The following PSD3 variants were observed in gnomAD, a reference collection of about 807,000 sequenced individuals.
PSD3 encodes PH and SEC7 domain-containing protein 3.
A neutral mutation model predicts 105.5 loss-of-function variants in PSD3; 49 were observed. The observed-to-expected ratio is 0.46, with a 90% CI of 0.37 to 0.59. PSD3 has a LOEUF of 0.59. Among genes scored for constraint, PSD3 ranks in the 20% least tolerant of loss-of-function variants. The probability of loss-of-function intolerance (pLI) is 0.00; values close to 1 mark genes in which losing one functional copy is unlikely to be tolerated. For missense variants in PSD3, 1,561 were observed against 1,263.8 expected (o/e 1.24, Z -3.57); for synonymous variants, 557 against 457.8 (o/e 1.22, Z -2.77).
rs546913899 is a variant in PSD3 at position 18,791,437 on chromosome 8, C to G, written c.2082+7858G>C. ...AGAAATAAGACTGCATGCCTACAAC[C>G]ATCTGATCTTCAGCAAACCTGACAA... On this transcript the variant is annotated intron_variant, in intron 8 of 15. Coordinates refer to ENST00000327040, the MANE Select transcript of PSD3 (RefSeq NM_015310.4). Among the ~76,000 whole-genome samples, 5 of 152,198 alleles carry G rather than the reference C, an allele frequency of 3.3e-5. No homozygotes were observed. The South Asian group carries it at 1.0e-3, about 32-fold the overall frequency.
At chr8:18,716,473 T>C (rs1044957721) in intron 9 of PSD3, among the ~76,000 whole-genome samples, 3 of 152,056 alleles carry the variant, frequency 2.0e-5, no homozygotes, top group African/African-American at 7.2e-5. Flanking sequence ...AACAAAAGGC[T>C]GAGAGTGGGA....
At chr8:18,596,936 A>T (rs1804146519) in intron 12 of PSD3, among the ~76,000 whole-genome samples, 1 of 152,306 alleles carries the variant, frequency 6.6e-6, no homozygotes, top group Middle Eastern at 3.4e-3. Flanking sequence ...GTTCCAAAAA[A>T]TTGAAGAGGA....
intron 15 of PSD3, among the ~76,000 whole-genome samples, chr8:18,553,254 G>C (rs893803151): frequency 6.6e-6 from 1 of 152,192 alleles, no homozygotes; most frequent in African/African-American, 2.4e-5. Flanking sequence ...CATAAGAGGA[G>C]GTGAGAGCAC....
intron 15 of PSD3, among the ~76,000 whole-genome samples, chr8:18,545,271 A>G (rs1260066709): frequency 6.6e-6 from 1 of 152,216 alleles, no homozygotes; most frequent in Non-Finnish European, 1.5e-5. Context: ...GGAAAACTCA[A>G]GAAATAAATT....
intron 1 of PSD3, among the ~76,000 whole-genome samples, chr8:18,996,622 C>G (rs1160353741): frequency 6.6e-6 from 1 of 151,900 alleles, no homozygotes; most frequent in Middle Eastern, 3.2e-3. Context: ...TTTTTTTCCT[C>G]TTTACTGTCT....
chr8:18,845,285 G>A (rs551637477), intron 4 of PSD3, among the ~76,000 whole-genome samples: 68 of 152,274 alleles, frequency 4.5e-4, no homozygotes, highest in African/African-American at 1.5e-3. Flanking sequence ...CGAGAGGAAC[G>A]GCTGTCATCT....
At chr8:18,993,085 C>G (rs775866568) in intron 1 of PSD3, among the ~76,000 whole-genome samples, 1 of 152,078 alleles carries the variant, frequency 6.6e-6, no homozygotes, top group Non-Finnish European at 1.5e-5. Context: ...AGTGACATAG[C>G]CTCTGTCCCA....
chr8:18,732,016 T>C (rs1241677590), intron 9 of PSD3, among the ~76,000 whole-genome samples: 3 of 152,152 alleles, frequency 2.0e-5, no homozygotes, highest in Non-Finnish European at 4.4e-5. Flanking sequence ...TGTTTTTCTT[T>C]TGAGAGAGAC....
At chr8:18,793,680 A>T (rs1809962700) in intron 8 of PSD3, among the ~76,000 whole-genome samples, 1 of 152,208 alleles carries the variant, frequency 6.6e-6, no homozygotes, top group Non-Finnish European at 1.5e-5. Flanking sequence ...TGCCAACGAT[A>T]GCTTTCATGG....
At chr8:19,002,706 C>A (rs1826468421) in intron 1 of PSD3, among the ~76,000 whole-genome samples, 1 of 152,068 alleles carries the variant, frequency 6.6e-6, no homozygotes, top group Non-Finnish European at 1.5e-5. Context: ...AGTTGTTATA[C>A]TACATGAATA....
At chr8:18,980,157 T>C (rs1452559359) in intron 1 of PSD3, among the ~76,000 whole-genome samples, 3 of 152,192 alleles carry the variant, frequency 2.0e-5, no homozygotes, top group Non-Finnish European at 4.4e-5. Context: ...CCAAACACTA[T>C]GGAAGGCACG....
chr8:18,836,846 A>AC (rs1267165743), intron 4 of PSD3, among the ~76,000 whole-genome samples: 41 of 151,522 alleles, frequency 2.7e-4, no homozygotes, highest in African/African-American at 8.7e-4. Flanking sequence ...TCCTCCCCTG[A>AC]CCCGCCCAAT....
At chr8:18,799,261 GT>G (rs1241085017) in intron 8 of PSD3, 33 bp downstream of exon 8, 4 of 1,542,858 alleles carry the variant, frequency 2.6e-6, no homozygotes, top group Non-Finnish European at 2.7e-6. Context: ...AGCCCGACAT[GT>G]TTTGGATCTA....
chr8:18,555,260 C>T (rs150281514), intron 15 of PSD3, among the ~76,000 whole-genome samples: 53 of 152,166 alleles, frequency 3.5e-4, no homozygotes, highest in African/African-American at 1.3e-3. Context: ...TGAGACGCCA[C>T]AGACACTGAT....
intron 4 of PSD3, among the ~76,000 whole-genome samples, chr8:18,810,249 G>A (rs1051588430): frequency 6.6e-6 from 1 of 152,146 alleles, no homozygotes; most frequent in African/African-American, 2.4e-5. Context: ...ACAAGGGGCG[G>A]CTGAAGGTAC....
At chr8:18,672,714 C>T (rs911542981) in intron 9 of PSD3, among the ~76,000 whole-genome samples, 1 of 152,152 alleles carries the variant, frequency 6.6e-6, no homozygotes, top group African/African-American at 2.4e-5. Context: ...CAAGAAAGGA[C>T]CAGCCTTTCA....
intron 14 of PSD3, among the ~76,000 whole-genome samples, chr8:18,566,126 C>T (rs1161307376): frequency 6.6e-6 from 1 of 152,156 alleles, no homozygotes; most frequent in South Asian, 2.1e-4. Flanking sequence ...TCAGGTGCTA[C>T]TCCAAATACA....
chr8:19,050,776 T>C (rs2129477139), intron 1 of PSD3, among the ~76,000 whole-genome samples: 1 of 152,194 alleles, frequency 6.6e-6, no homozygotes, highest in South Asian at 2.1e-4. Flanking sequence ...GCATGGCACA[T>C]GTATACATAT....
Position 18,535,691 on chromosome 8 carries a change from T to C in PSD3, c.*52A>G. The C allele has an allele frequency of 6.9e-7, 1 of 1,455,282 alleles. No individual in the cohort carries two copies. Among genetic ancestry groups the C allele is most frequent in the South Asian group, 1.1e-5 (1 of 87,546 alleles). 90.1% of individuals were successfully genotyped at this position (1,455,282 alleles called of 1,614,324 possible). A position where few individuals can be genotyped will look rare whatever the true frequency, so the allele number is the denominator to read the frequency against. ...TATTCACGGATTACCAGAAAGATCT[T>C]GAAAAACCCTATTTTGCTCCATGAC... is the stretch of plus-strand genomic sequence containing the variant. On this transcript the variant is annotated 3_prime_UTR_variant, in exon 16 of 16. Transcript: ENST00000327040.
Sources: allele counts gnomAD v4.1 joint callset (sites outside exome capture counted in the v4.1 genomes callset), GRCh38; gene constraint gnomAD v4.1.1; transcripts MANE v1.5; gene names NCBI Gene and HGNC (gene_info 2026-07-23, HGNC 2026-07-21).